The following ZFHX3 variants were observed in gnomAD, a reference collection of about 807,000 sequenced individuals.
The protein encoded by ZFHX3 is zinc finger homeobox protein 3.
In ZFHX3, 42 loss-of-function variants were observed where a neutral mutation model predicts 279.1. The observed-to-expected ratio is 0.15, with a 90% confidence interval of 0.12 to 0.19. ZFHX3 has a LOEUF of 0.19. ZFHX3 is among the 10% of genes least tolerant of loss of function. The pLI is 1.00. For missense variants in ZFHX3, 4,981 were observed against 4,754.0 expected, an observed-to-expected ratio of 1.05 and a Z score of -1.40; for synonymous variants, 2,293 against 1,957.8, an observed-to-expected ratio of 1.17 and a Z score of -4.52.
chr16:73,240,311 T>G (rs6499623), intron 5 of ZFHX3, among the ~76,000 whole-genome samples: 7 of 151,742 alleles, frequency 4.6e-5, no homozygotes, highest in African/African-American at 1.7e-4. Flanking sequence ...CTCCACCTCC[T>G]GGGTTCAAGT....
intron 5 of ZFHX3, among the ~76,000 whole-genome samples, chr16:72,823,377 C>G (rs1003217188): frequency 3.3e-5 from 5 of 152,128 alleles, no homozygotes; most frequent in African/African-American, 1.2e-4. Flanking sequence ...TGTTGAATGG[C>G]CTGGTTTCTA....
At chr16:73,011,788 C>G (rs1039490936) in intron 1 of ZFHX3, among the ~76,000 whole-genome samples, 1 of 151,660 alleles carries the variant, frequency 6.6e-6, no homozygotes, top group African/African-American at 2.4e-5. Context: ...CCCCTCCCCC[C>G]AAAATACTGG....
chr16:73,773,664 G>C (rs2054045518), intron 1 of ZFHX3, among the ~76,000 whole-genome samples: 1 of 152,176 alleles, frequency 6.6e-6, no homozygotes, highest in South Asian at 2.1e-4. Flanking sequence ...CAAGCATTTG[G>C]GCACAGTGCA....
At chr16:73,671,292 C>A (rs1023093995) in intron 2 of ZFHX3, among the ~76,000 whole-genome samples, 1 of 152,116 alleles carries the variant, frequency 6.6e-6, no homozygotes, top group African/African-American at 2.4e-5. Context: ...CTGGCAGGGA[C>A]CAGCGAAAGA....
At chr16:73,721,764 G>A (rs1019737190) in intron 1 of ZFHX3, among the ~76,000 whole-genome samples, 7 of 152,152 alleles carry the variant, frequency 4.6e-5, no homozygotes, top group African/African-American at 1.7e-4. Context: ...CCACTAGTGG[G>A]CCAGGCACAA....
At chr16:73,380,622 G>C (rs1216246872) in intron 3 of ZFHX3, among the ~76,000 whole-genome samples, 4 of 152,166 alleles carry the variant, frequency 2.6e-5, no homozygotes, top group Admixed American at 2.0e-4. Flanking sequence ...CTAGCATTAA[G>C]CACCCAGAAA....
chr16:73,784,620 G>C (rs1959578366), intron 1 of ZFHX3, among the ~76,000 whole-genome samples: 1 of 151,740 alleles, frequency 6.6e-6, no homozygotes, highest in African/African-American at 2.4e-5. Flanking sequence ...GGTGGCACGT[G>C]CCTGTAGCCC....
chr16:73,803,664 T>A (rs1960197194), intron 1 of ZFHX3, among the ~76,000 whole-genome samples: 1 of 152,236 alleles, frequency 6.6e-6, no homozygotes, highest in African/African-American at 2.4e-5. Context: ...TGGGTGTCTA[T>A]ATTTTGTTAG....
intron 1 of ZFHX3, among the ~76,000 whole-genome samples, chr16:73,054,243 T>TA (rs1194889259): frequency 6.6e-6 from 1 of 152,180 alleles, no homozygotes; most frequent in Non-Finnish European, 1.5e-5. Context: ...ACTGAATTTT[T>TA]AATGCTGCCA....
chr16:73,187,600 T>C (rs942149417), intron 5 of ZFHX3, among the ~76,000 whole-genome samples: 2 of 152,196 alleles, frequency 1.3e-5, no homozygotes, highest in Non-Finnish European at 2.9e-5. Context: ...ACTTCAGGCT[T>C]TTCAAAGTTC....
chr16:73,193,594 C>T (rs1488778926), intron 5 of ZFHX3, among the ~76,000 whole-genome samples: 1 of 152,176 alleles, frequency 6.6e-6, no homozygotes, highest in Non-Finnish European at 1.5e-5. Flanking sequence ...TTGTAGGGTT[C>T]ACAGTTCCTT....
chr16:73,383,115 ATCTCT>A (rs1202099189), intron 3 of ZFHX3, among the ~76,000 whole-genome samples: 1 of 152,192 alleles, frequency 6.6e-6, no homozygotes, highest in Non-Finnish European at 1.5e-5. Context: ...GCACTGAATA[ATCTCT>A]TCTCTTAAGG....
At chr16:73,084,008 G>T (rs1892835259) in intron 8 of ZFHX3, among the ~76,000 whole-genome samples, 1 of 152,154 alleles carries the variant, frequency 6.6e-6, no homozygotes, top group Admixed American at 6.5e-5. Context: ...GAAGTGTCTG[G>T]AGACATTTCT....
rs1961382273 is a variant in ZFHX3, at chr16:72,958,576, C to T, written c.1570G>A (p.Ala524Thr). 5.6e-6 allele frequency: 9 copies of T among 1,614,012 alleles called. No homozygotes were observed. The highest frequency in any genetic ancestry group is 1.3e-5 in the African/African-American group (1 of 74,896). Reference sequence around the variant, plus strand: ...TTAGAAATGCTTTGGTTTGAGAGAGCAAGGTCCTTTTTGCTGCTACTACCT... The same window carrying T: ...TTAGAAATGCTTTGGTTTGAGAGAGTAAGGTCCTTTTTGCTGCTACTACCT... ...AAGSSSKKDL[A>T]LSNQSISNSP... The change falls in exon 2 of 10, where the codon GCT (alanine) becomes ACT (threonine). Residue 524 changes from alanine to threonine, a missense_variant. Around this residue, in one of 7 missense-constraint regions of ZFHX3, gnomAD observed 1,068 missense variants for 935.2 expected, o/e 1.14. Transcript: ENST00000268489.
intron 5 of ZFHX3, among the ~76,000 whole-genome samples, chr16:72,823,416 C>A (rs1165708421): frequency 1.3e-5 from 2 of 152,126 alleles, no homozygotes; most frequent in African/African-American, 4.8e-5. Flanking sequence ...ATATGAGTGG[C>A]CACTCAAAGG....
At chr16:73,384,016 T>G (rs997887113) in intron 3 of ZFHX3, among the ~76,000 whole-genome samples, 1 of 152,048 alleles carries the variant, frequency 6.6e-6, no homozygotes, top group Non-Finnish European at 1.5e-5. Context: ...AAGAAAGAAA[T>G]GAATGAATGA....
chr16:72,906,392 C>T (rs981948659), intron 3 of ZFHX3, among the ~76,000 whole-genome samples: 5 of 151,810 alleles, frequency 3.3e-5, no homozygotes, highest in African/African-American at 9.7e-5. Context: ...GGCATGGGAC[C>T]GGGGTGGGGA....
At chr16:72,925,602 C>T (rs577361687) in intron 3 of ZFHX3, among the ~76,000 whole-genome samples, 26 of 152,368 alleles carry the variant, frequency 1.7e-4, no homozygotes, top group African/African-American at 5.8e-4. Context: ...CACTTAACCC[C>T]GTCCCGTGTC....
upstream of ZFHX3, among the ~76,000 whole-genome samples, chr16:73,049,895 A>G (rs1965418132): frequency 6.6e-6 from 1 of 152,206 alleles, no homozygotes. Flanking sequence ...AAAACAATTA[A>G]TAATTTAATT....
Sources: gnomAD v4.1 joint callset for allele counts (sites outside exome capture counted in the v4.1 genomes callset) on GRCh38, gnomAD v4.1.1 for gene constraint, gnomAD v4.1.1 regional missense constraint, MANE v1.5 for transcripts, NCBI Gene and HGNC (gene_info 2026-07-23, HGNC 2026-07-21) for gene names.